Variants in RYR3 observed in about 807,000 individuals in gnomAD.
The protein encoded by RYR3 is ryanodine receptor 3, also known as brain ryanodine receptor-calcium release channel.
In RYR3, 207 loss-of-function variants were observed where a neutral mutation model predicts 584.3. The observed-to-expected ratio is 0.35, with a 90% CI of 0.32 to 0.40. The LOEUF is 0.40. Among genes scored for constraint, RYR3 ranks in the 10% least tolerant of loss-of-function variants. The pLI is 1.00. For missense variants in RYR3, 5,616 were observed against 6,089.2 expected, an observed-to-expected ratio of 0.92 and a Z score of 2.59; for synonymous variants, 2,416 against 2,248.5, an observed-to-expected ratio of 1.07 and a Z score of -2.11.
chr15:33,699,809 C>A lies in RYR3; in HGVS notation c.6355C>A (p.Leu2119Met), dbSNP rs1287733846. Residue 2119 changes from leucine (L) to methionine (M), a missense_variant, in exon 41 of 104, where the codon CTG (leucine) becomes ATG (methionine). This residue lies in a region of RYR3 where 1,280 missense variants were observed against 1,426.2 expected (regional missense o/e 0.90). Coordinates refer to ENST00000634891, the MANE Select transcript of RYR3 (RefSeq NM_001036.6). ...KAMFEHLSYLLENSSVGLASP... is the reference protein window; with the variant it reads ...KAMFEHLSYLMENSSVGLASP... The stretch of plus-strand genomic sequence containing the variant: ...CATGTTTGAGCATCTGAGTTATCTT[C>A]TGGAGAATAGCAGTGTTGGCCTAGG... 6.2e-7 allele frequency: 1 copy of A among 1,613,838 alleles called. No individual in the cohort carries two copies. The highest frequency in any genetic ancestry group is 8.5e-7 in the Non-Finnish European group (1 of 1,179,818).
intron 1 of RYR3, among the ~76,000 whole-genome samples, chr15:33,314,579 T>C (rs1450958143): frequency 6.6e-6 from 1 of 152,142 alleles, no homozygotes; most frequent in East Asian, 1.9e-4. Context: ...AATATCACAG[T>C]CTTCTCCTTG....
At chr15:33,341,348 G>A (rs2140836189) in intron 1 of RYR3, among the ~76,000 whole-genome samples, 1 of 152,116 alleles carries the variant, frequency 6.6e-6, no homozygotes, top group African/African-American at 2.4e-5. Flanking sequence ...CTGATTCAGT[G>A]GACTTTGCAT....
At chr15:33,388,401 G>A (rs1355870164) in intron 1 of RYR3, among the ~76,000 whole-genome samples, 3 of 152,194 alleles carry the variant, frequency 2.0e-5, no homozygotes, top group Admixed American at 1.3e-4. Context: ...ATCCCAGGTT[G>A]ACAGCTGAAT....
At chr15:33,717,877 A>G (rs557082839) in intron 43 of RYR3, among the ~76,000 whole-genome samples, 292 of 152,284 alleles carry the variant, frequency 1.9e-3, no homozygotes, top group African/African-American at 6.6e-3. Flanking sequence ...TCATTAATAA[A>G]TGGGCAAACA....
At chr15:33,471,258 T>G (rs2048902835) in intron 1 of RYR3, among the ~76,000 whole-genome samples, 1 of 152,120 alleles carries the variant, frequency 6.6e-6, no homozygotes, top group South Asian at 2.1e-4. Flanking sequence ...AGAAATCGTT[T>G]GGAGAAGCAT....
intron 1 of RYR3, among the ~76,000 whole-genome samples, chr15:33,438,963 G>A (rs1163009263): frequency 2.0e-5 from 3 of 152,214 alleles, no homozygotes; most frequent in Admixed American, 6.5e-5. Context: ...AAATAGGAAT[G>A]AGAGAATGGG....
Position 33,662,940 on chromosome 15 carries a change from A to C in RYR3, c.5410A>C (p.Lys1804Gln). The C allele has an allele frequency of 6.2e-7, 1 of 1,611,710 alleles. No homozygotes were observed. Among genetic ancestry groups the C allele is most frequent in the Admixed American group, 1.7e-5 (1 of 60,002 alleles). Reference sequence around the variant, plus strand: ...GCAGACTCGATTACCCGAATCCGTCAAGCTGCAGGTAAGCTGCAGGTGGTT... The same window carrying C: ...GCAGACTCGATTACCCGAATCCGTCCAGCTGCAGGTAAGCTGCAGGTGGTT... ...LLQTRLPESVKLQMCELLSYL... is the reference protein window; with the variant it reads ...LLQTRLPESVQLQMCELLSYL... Residue 1804 changes from lysine (K) to glutamine (Q), a missense_variant, in exon 35 of 104, where the codon AAG becomes CAG. Physicochemically the swap from Lys to Gln is moderately conservative, Grantham distance 53. Coordinates refer to ENST00000634891, the MANE Select transcript of RYR3 (RefSeq NM_001036.6).
chr15:33,853,040 T>C lies in RYR3; in HGVS notation c.13629-5T>C. On this transcript the variant is annotated splice_polypyrimidine_tract_variant and splice_region_variant and intron_variant, in intron 94 of 103. Transcript: ENST00000634891. ...AGAACCAACCTTTTTCGTTTTGTTT[T>C]TCAGATCTTTTCCTAATAACTACTG... 6.2e-7 allele frequency: 1 copy of C among 1,604,774 alleles called. No individual in the cohort carries two copies. The highest frequency in any genetic ancestry group is 8.5e-7 in the Non-Finnish European group (1 of 1,175,732).
chr15:33,661,462 C>A (rs536992741), intron 34 of RYR3, among the ~76,000 whole-genome samples: 2 of 152,258 alleles, frequency 1.3e-5, no homozygotes, highest in South Asian at 4.2e-4. Flanking sequence ...GGACTTTATA[C>A]AAATGATACA....
At position 33,662,674 on chromosome 15, in the gene RYR3, G is replaced by C. The variant is rs756272113; in HGVS notation, c.5144G>C (p.Gly1715Ala). 1.9e-6 allele frequency: 3 copies of C among 1,614,180 alleles called. No homozygotes were observed. The highest frequency in any genetic ancestry group is 3.3e-5 in the Admixed American group (2 of 60,032). ...GGGGCCCACATCCGAGACCCTGTAG[G>C]GGGGTCTGTGGAGTTCCAGTTTGTG... Reference protein sequence around the residue: ...CSGAHIRDPVGGSVEFQFVPV... With the variant: ...CSGAHIRDPVAGSVEFQFVPV... Residue 1715 changes from glycine (G) to alanine (A), a missense_variant, in exon 35 of 104, where the codon GGG (glycine) becomes GCG (alanine). Transcript: ENST00000634891.
chr15:33,637,535 T>G (rs2061561955), intron 27 of RYR3, among the ~76,000 whole-genome samples: 2 of 152,244 alleles, frequency 1.3e-5, no homozygotes, highest in African/African-American at 4.8e-5. Flanking sequence ...TATTTATCCA[T>G]TTAGGAACTC....
intron 94 of RYR3, chr15:33,852,071 T>C (rs1259657426): frequency 5.8e-5 from 1 of 17,230 alleles, no homozygotes; most frequent in Non-Finnish European, 1.6e-4. Context: ...GCATGAGAGG[T>C]CAGTGAATAG....
chr15:33,645,966 C>T (rs2062079036), intron 28 of RYR3, among the ~76,000 whole-genome samples: 1 of 152,178 alleles, frequency 6.6e-6, no homozygotes, highest in South Asian at 2.1e-4. Context: ...TAGATGTTTT[C>T]ATGCCCAGTG....
chr15:33,654,000 T>C (rs1043890018), intron 32 of RYR3, among the ~76,000 whole-genome samples: 8 of 152,214 alleles, frequency 5.3e-5, no homozygotes, highest in Admixed American at 1.3e-4. Context: ...ATCAATAATG[T>C]TCTATGAACC....
intron 2 of RYR3, among the ~76,000 whole-genome samples, chr15:33,475,229 G>A (rs1051810887): frequency 6.6e-6 from 1 of 152,124 alleles, no homozygotes. Flanking sequence ...ACAATCCAAT[G>A]GGAAGTGTGT....
intron 99 of RYR3, among the ~76,000 whole-genome samples, chr15:33,859,299 T>C (rs2080080960): frequency 6.6e-6 from 1 of 152,254 alleles, no homozygotes. Flanking sequence ...TCATCAAGGC[T>C]TAAAGATCTT....
At chr15:33,315,641 C>T (rs1322672552) in intron 1 of RYR3, among the ~76,000 whole-genome samples, 2 of 152,228 alleles carry the variant, frequency 1.3e-5, no homozygotes, top group Non-Finnish European at 2.9e-5. Flanking sequence ...ATTAAAGACC[C>T]ATATCAGCCG....
intron 19 of RYR3, among the ~76,000 whole-genome samples, chr15:33,620,335 G>A (rs556419021): frequency 8.0e-4 from 121 of 152,200 alleles, no homozygotes; most frequent in African/African-American, 2.7e-3. Flanking sequence ...AAGGGAGAAC[G>A]CTTCTCCCTT....
chr15:33,796,735 C>T (rs1456131606), intron 67 of RYR3, among the ~76,000 whole-genome samples: 1 of 152,214 alleles, frequency 6.6e-6, no homozygotes, highest in African/African-American at 2.4e-5. Context: ...TTCAATCCAG[C>T]AATCTCACTG....
Sources: gnomAD v4.1 joint callset for allele counts (sites outside exome capture counted in the v4.1 genomes callset) on GRCh38, gnomAD v4.1.1 for gene constraint, gnomAD v4.1.1 regional missense constraint, MANE v1.5 for transcripts, NCBI Gene and HGNC (gene_info 2026-07-23, HGNC 2026-07-21) for gene names.